Variants in APIP observed in about 807,000 individuals in gnomAD.
APIP encodes the protein methylthioribulose-1-phosphate dehydratase.
Under a neutral mutation model 32.0 loss-of-function variants are expected in APIP, and 32 were observed. That is an observed-to-expected ratio of 1.00 (90% CI 0.76 to 1.34). The LOEUF is 1.34. Among genes scored for constraint, APIP ranks in the 40% most tolerant of loss-of-function variants. APIP has a pLI of 0.00. For synonymous variants in APIP, 92 were observed against 94.8 expected, an observed-to-expected ratio of 0.97 and a Z score of 0.17; for missense variants, 247 against 298.6, an observed-to-expected ratio of 0.83 and a Z score of 1.27.
chr11:34,916,226 A>G lies in APIP; in HGVS notation c.57+2T>C, dbSNP rs202241286. The G allele has an allele frequency of 2.5e-5, 41 of 1,611,066 alleles. No individual in the cohort carries two copies. In the East Asian group the frequency reaches 8.9e-4, roughly 35 times the overall value. ...ACCGGGCACCGGTGGCCCCGCCCCT[A>G]CCTGCGCGCCGCATCTCCGGGAACA... On this transcript the variant is annotated splice_donor_variant, in intron 1 of 6. Transcript: ENST00000395787. LOFTEE classifies it high-confidence loss of function.
At chr11:34,904,488 T>G (rs1197236376) in intron 1 of APIP, among the ~76,000 whole-genome samples, 1 of 152,180 alleles carries the variant, frequency 6.6e-6, no homozygotes, top group Non-Finnish European at 1.5e-5. Flanking sequence ...CCTTCAAAAT[T>G]AGGTCTTAGC....
chr11:34,890,589 T>G, intron 2 of APIP, 37 bp from the exon 3 acceptor site: 1 of 1,605,376 alleles, frequency 6.2e-7, no homozygotes, highest in Non-Finnish European at 8.5e-7. Flanking sequence ...TATTTATTTA[T>G]TTCCTGCTTT....
chr11:34,897,954 TC>T (rs1003176978), intron 1 of APIP, among the ~76,000 whole-genome samples: 8 of 152,224 alleles, frequency 5.3e-5, no homozygotes, highest in African/African-American at 1.9e-4. Context: ...GTTTTCTCTC[TC>T]TGCTTGGAGC....
intron 5 of APIP, among the ~76,000 whole-genome samples, chr11:34,884,403 T>A (rs537896651): frequency 6.6e-6 from 1 of 152,326 alleles, no homozygotes; most frequent in South Asian, 2.1e-4. Flanking sequence ...ATCACTTCAC[T>A]TAAGTAAAAC....
At position 34,906,430 on chromosome 11, in the gene APIP, C is replaced by T. The variant is rs1215246390; in HGVS notation, c.57+9798G>A. Among the ~76,000 whole-genome samples, 6 of 152,130 alleles carry T rather than the reference C, an allele frequency of 3.9e-5. No homozygotes were observed. The East Asian group carries it at 1.2e-3, about 29-fold the overall frequency. ...GGGGAGGGCATGCACATGACAATCC[C>T]ATCTTAGAAAAACCATGAATGGGAA... is the stretch of plus-strand genomic sequence containing the variant. On this transcript the variant is annotated intron_variant, in intron 1 of 6. Transcript: ENST00000395787.
chr11:34,913,467 A>G (rs1324153835), intron 1 of APIP, among the ~76,000 whole-genome samples: 1 of 152,046 alleles, frequency 6.6e-6, no homozygotes, highest in Non-Finnish European at 1.5e-5. Context: ...GTGAAGCTGC[A>G]GACTTTCACA....
At chr11:34,889,713 C>T (rs955550839) in intron 3 of APIP, among the ~76,000 whole-genome samples, 19 of 152,112 alleles carry the variant, frequency 1.2e-4, no homozygotes, top group African/African-American at 4.6e-4. Flanking sequence ...TTAGCTCCCA[C>T]TGTAAGTGAG....
At position 34,882,549 on chromosome 11, in the gene APIP, A is replaced by C. The variant is rs1852983903; in HGVS notation, c.*168T>G. The C allele has an allele frequency of 8.8e-6, 4 of 456,834 alleles. No individual in the cohort carries two copies. The highest frequency in any genetic ancestry group is 1.2e-5 in the Non-Finnish European group (3 of 252,126). The allele number at this position is 456,834 out of a possible 1,614,324, so 28.3% of individuals were successfully genotyped here. ...CCCTCATTTAAAATTATAAGAATAT[A>C]AGCAAATAACATCCAATGTCAGAAG... On this transcript the variant is annotated 3_prime_UTR_variant, in exon 7 of 7. Coordinates refer to ENST00000395787, the MANE Select transcript of APIP (RefSeq NM_015957.4).
intron 1 of APIP, among the ~76,000 whole-genome samples, chr11:34,901,226 G>A (rs947850364): frequency 1.3e-5 from 2 of 152,100 alleles, no homozygotes; most frequent in South Asian, 2.1e-4. Flanking sequence ...AGCTGTTATC[G>A]ATGTGGCAAA....
chr11:34,895,259 T>A, intron 1 of APIP, 149 bp from the exon 2 acceptor site: 1 of 702,798 alleles, frequency 1.4e-6, no homozygotes, highest in Non-Finnish European at 2.3e-6. Context: ...ATTACAAACA[T>A]ATTTTGTTTT....
At chr11:34,909,494 G>C (rs1853509911) in intron 1 of APIP, among the ~76,000 whole-genome samples, 3 of 152,226 alleles carry the variant, frequency 2.0e-5, no homozygotes, top group Admixed American at 1.3e-4. Flanking sequence ...ATTTAATCTA[G>C]GACCTAAAAG....
chr11:34,893,179 G>A (rs1853207993), intron 2 of APIP, among the ~76,000 whole-genome samples: 1 of 152,106 alleles, frequency 6.6e-6, no homozygotes, highest in African/African-American at 2.4e-5. Flanking sequence ...AAATGGTAGT[G>A]CATGGATTAG....
chr11:34,909,868 G>C (rs1294648968), intron 1 of APIP, among the ~76,000 whole-genome samples: 1 of 152,184 alleles, frequency 6.6e-6, no homozygotes, highest in African/African-American at 2.4e-5. Context: ...TTCATGAAAT[G>C]AGAGAAGCTG....
intron 1 of APIP, among the ~76,000 whole-genome samples, chr11:34,914,970 CTCCAGCCTGGGCAACAA>C (rs1853635957): frequency 7.0e-6 from 1 of 142,414 alleles, no homozygotes; most frequent in Non-Finnish European, 1.5e-5. Context: ...CGCCACTGCA[CTCCAGCCTGGGCAACAA>C]GAGCAAAACG....
intron 5 of APIP, among the ~76,000 whole-genome samples, chr11:34,885,777 G>C (rs956482481): frequency 6.6e-6 from 1 of 152,140 alleles, no homozygotes; most frequent in Non-Finnish European, 1.5e-5. Flanking sequence ...ACAGTTTGCT[G>C]TTTGATCATA....
intron 1 of APIP, 76 bp downstream of exon 1, chr11:34,916,152 C>G: frequency 6.5e-7 from 1 of 1,547,774 alleles, no homozygotes; most frequent in Admixed American, 1.9e-5. Context: ...CGCTACCCTG[C>G]GCCCAGCTCC....
At chr11:34,910,813 C>T (rs913018983) in intron 1 of APIP, among the ~76,000 whole-genome samples, 1 of 152,028 alleles carries the variant, frequency 6.6e-6, no homozygotes, top group African/African-American at 2.4e-5. Flanking sequence ...AGAGGCAGAG[C>T]CAGAATTTGA....
intron 2 of APIP, among the ~76,000 whole-genome samples, chr11:34,894,247 A>C (rs1014661065): frequency 6.6e-6 from 1 of 152,116 alleles, no homozygotes; most frequent in African/African-American, 2.4e-5. Context: ...CCTCTGAGGA[A>C]TACAGATTAG....
intron 1 of APIP, among the ~76,000 whole-genome samples, chr11:34,904,198 G>A (rs1483021780): frequency 6.6e-6 from 1 of 152,188 alleles, no homozygotes; most frequent in Non-Finnish European, 1.5e-5. Flanking sequence ...AAGAGCCTCT[G>A]AGGTAATAAA....
Sources: gnomAD v4.1 joint callset for allele counts (sites outside exome capture counted in the v4.1 genomes callset) on GRCh38, gnomAD v4.1.1 for gene constraint, MANE v1.5 for transcripts, NCBI Gene and HGNC (gene_info 2026-07-23, HGNC 2026-07-21) for gene names.